Variants in SUGCT observed in about 807,000 individuals in gnomAD.
SUGCT encodes the protein succinyl-CoA:glutarate CoA-transferase.
SUGCT carries 41 observed loss-of-function variants against 55.0 expected under a neutral mutation model. That is an observed-to-expected ratio of 0.74 (90% CI 0.58 to 0.97). The LOEUF (loss-of-function observed/expected upper bound fraction) is 0.97. Among genes scored for constraint, SUGCT ranks in the 50% least tolerant of loss-of-function variants. SUGCT has a pLI of 0.00. For synonymous variants in SUGCT, 187 were observed against 200.4 expected, an observed-to-expected ratio of 0.93 and a Z score of 0.56; for missense variants, 568 against 547.8, an observed-to-expected ratio of 1.04 and a Z score of -0.37.
At chr7:40,341,503 T>G (rs1229073007) in intron 9 of SUGCT, among the ~76,000 whole-genome samples, 2 of 152,210 alleles carry the variant, frequency 1.3e-5, no homozygotes, top group African/African-American at 4.8e-5. Context: ...CTGGGCCTCT[T>G]TATTAAACAT....
At chr7:40,322,868 G>A (rs1478372028) in intron 9 of SUGCT, among the ~76,000 whole-genome samples, 1 of 151,700 alleles carries the variant, frequency 6.6e-6, no homozygotes, top group East Asian at 1.9e-4. Context: ...TGGGAGGATT[G>A]CTTGAGCCTC....
At chr7:40,456,935 T>C (rs1336045990) in intron 10 of SUGCT, among the ~76,000 whole-genome samples, 2 of 152,072 alleles carry the variant, frequency 1.3e-5, no homozygotes, top group African/African-American at 4.8e-5. Flanking sequence ...AGGATTTTGG[T>C]TTTTGCTTTA....
chr7:40,304,986 G>A (rs929642389), intron 8 of SUGCT, among the ~76,000 whole-genome samples: 1 of 152,186 alleles, frequency 6.6e-6, no homozygotes, highest in African/African-American at 2.4e-5. Context: ...TGGGTCTTTA[G>A]CATCATCATG....
chr7:40,159,011 G>A (rs971449011), intron 1 of SUGCT, among the ~76,000 whole-genome samples: 4 of 152,146 alleles, frequency 2.6e-5, no homozygotes, highest in Non-Finnish European at 5.9e-5. Flanking sequence ...GACCTCACTG[G>A]CTCAAGTGAT....
intron 13 of SUGCT, among the ~76,000 whole-genome samples, chr7:40,856,284 C>T (rs182428944): frequency 1.3e-5 from 2 of 152,152 alleles, no homozygotes; most frequent in Non-Finnish European, 2.9e-5. Context: ...AATTTTTATA[C>T]TTTTATTTCA....
chr7:40,703,868 G>C (rs978843321), intron 12 of SUGCT, among the ~76,000 whole-genome samples: 1 of 152,174 alleles, frequency 6.6e-6, no homozygotes. Flanking sequence ...TGTTCTATGA[G>C]CCTCCAGTCC....
intron 13 of SUGCT, 52 bp from the exon 14 acceptor site, chr7:40,860,264 T>C (rs961580867): frequency 6.2e-7 from 1 of 1,610,838 alleles, no homozygotes. Context: ...AGGTAATTAA[T>C]TTCGTAGGGT....
intron 9 of SUGCT, among the ~76,000 whole-genome samples, chr7:40,338,200 G>C (rs150618319): frequency 0.019 from 2,880 of 152,062 alleles, 88 homozygotes; most frequent in African/African-American, 0.066. Context: ...TTCATTTCAA[G>C]TTTGGTGAAT....
At chr7:40,466,598 C>T (rs569566086) in intron 11 of SUGCT, among the ~76,000 whole-genome samples, 3 of 152,266 alleles carry the variant, frequency 2.0e-5, no homozygotes, top group Admixed American at 2.0e-4. Flanking sequence ...TTATTTCTAG[C>T]ACCTATTTGG....
At chr7:40,391,794 G>T (rs112584180) in intron 9 of SUGCT, among the ~76,000 whole-genome samples, 1 of 152,072 alleles carries the variant, frequency 6.6e-6, no homozygotes, top group African/African-American at 2.4e-5. Flanking sequence ...TCATATACCC[G>T]AAGGATTATA....
intron 9 of SUGCT, among the ~76,000 whole-genome samples, chr7:40,322,505 T>G (rs972003349): frequency 1.3e-5 from 2 of 152,202 alleles, no homozygotes; most frequent in African/African-American, 4.8e-5. Flanking sequence ...TGAGACCATC[T>G]GTCCCCCCAG....
chr7:40,913,727 T>A, the SUGCT span, among the ~76,000 whole-genome samples: 2 of 152,178 alleles, frequency 1.3e-5, no homozygotes, highest in Non-Finnish European at 2.9e-5. Flanking sequence ...GCTCGCTGGA[T>A]TCAGATCTGC....
chr7:40,573,141 C>T (rs1394083197), intron 12 of SUGCT, among the ~76,000 whole-genome samples: 13 of 152,156 alleles, frequency 8.5e-5, no homozygotes, highest in Non-Finnish European at 1.6e-4. Context: ...CATCTTCTAC[C>T]AAAACTGCTT....
the SUGCT span, among the ~76,000 whole-genome samples, chr7:40,899,971 G>A: frequency 2.0e-5 from 3 of 152,294 alleles, no homozygotes; most frequent in African/African-American, 7.2e-5. Context: ...GGCTGCGGTG[G>A]GCTGGGGGGT....
chr7:40,927,152 A>C, the SUGCT span, among the ~76,000 whole-genome samples: 1 of 152,248 alleles, frequency 6.6e-6, no homozygotes, highest in Non-Finnish European at 1.5e-5. Flanking sequence ...CACATAGTCT[A>C]AGATATGCAA....
chr7:40,941,764 A>G, the SUGCT span, among the ~76,000 whole-genome samples: 11 of 152,082 alleles, frequency 7.2e-5, no homozygotes, highest in East Asian at 3.9e-4. Flanking sequence ...TTAGGTGGGT[A>G]TATATTTAGG....
At chr7:40,319,654 G>C (rs1156901014) in intron 9 of SUGCT, among the ~76,000 whole-genome samples, 1 of 152,156 alleles carries the variant, frequency 6.6e-6, no homozygotes, top group Non-Finnish European at 1.5e-5. Context: ...TAAGCATGCA[G>C]TTCTTAACTT....
At chr7:40,709,834 G>A (rs1254280927) in intron 12 of SUGCT, among the ~76,000 whole-genome samples, 1 of 152,056 alleles carries the variant, frequency 6.6e-6, no homozygotes, top group African/African-American at 2.4e-5. Context: ...CATATTGTGG[G>A]GCTTCACTGC....
chr7:40,537,516 TAA>T (rs1017118704), intron 12 of SUGCT, among the ~76,000 whole-genome samples: 1 of 152,030 alleles, frequency 6.6e-6, no homozygotes, highest in Non-Finnish European at 1.5e-5. Flanking sequence ...AACAAAAGAA[TAA>T]AAAAATGTAC....
Sources: gnomAD v4.1 joint callset for allele counts (sites outside exome capture counted in the v4.1 genomes callset) on GRCh38, gnomAD v4.1.1 for gene constraint, MANE v1.5 for transcripts, NCBI Gene and HGNC (gene_info 2026-07-23, HGNC 2026-07-21) for gene names.